LZIC: variants seen among roughly 807,000 people sequenced by gnomAD.
LZIC encodes the protein protein LZIC.
LZIC carries 28 observed loss-of-function variants against 25.4 expected under a neutral mutation model. The observed-to-expected ratio is 1.10, with a 90% CI of 0.82 to 1.51. The LOEUF (loss-of-function observed/expected upper bound fraction) is 1.51. LZIC is among the 40% of genes most tolerant of loss of function. LZIC has a pLI of 0.00. For missense variants in LZIC, 170 were observed against 211.1 expected (o/e 0.81, Z 1.21); for synonymous variants, 65 against 70.7 (o/e 0.92, Z 0.40).
Position 9,929,533 on chromosome 1 carries a change from G to T in LZIC, c.*866C>A. ...CTGACAGTTACCCCCCTCTGAGTGT[G>T]ACAAGAGGTCACGCACAGGGAGGGC... On this transcript the variant is annotated 3_prime_UTR_variant, in exon 8 of 8. Coordinates refer to ENST00000377223, the MANE Select transcript of LZIC (RefSeq NM_032368.5). The T allele has an allele frequency of 4.1e-6, 4 of 985,396 alleles. No homozygotes were observed. Among genetic ancestry groups the T allele is most frequent in the Non-Finnish European group, 4.8e-6 (4 of 829,924 alleles). The allele number at this position is 985,396 out of a possible 1,614,324, so 61.0% of individuals were successfully genotyped here. A position where few individuals can be genotyped will look rare whatever the true frequency, so the allele number is the denominator to read the frequency against.
At chr1:9,932,092 T>A (rs1032632293) in intron 6 of LZIC, 120 bp from the exon 7 acceptor site, 4 of 128,138 alleles carry the variant, frequency 3.1e-5, no homozygotes, top group Non-Finnish European at 5.4e-5. Context: ...CCCTGCACTT[T>A]GGGAGGCGTG....
At chr1:9,940,827 A>T (rs2101613333) in intron 2 of LZIC, among the ~76,000 whole-genome samples, 1 of 152,358 alleles carries the variant, frequency 6.6e-6, no homozygotes, top group East Asian at 1.9e-4. Context: ...AGTGTAATTT[A>T]TTGTAGCTAC....
chr1:9,934,974 AGCAATTACACAACTAAATG>A, intron 4 of LZIC, 114 bp from the exon 5 acceptor site: 2 of 796,232 alleles, frequency 2.5e-6, no homozygotes, highest in South Asian at 2.9e-5. Flanking sequence ...CTGTCATGGA[AGCAATTACACAACTAAATG>A]AAGATCTGGA....
chr1:9,938,864 C>T (rs1026931665), intron 2 of LZIC, among the ~76,000 whole-genome samples: 21 of 152,166 alleles, frequency 1.4e-4, no homozygotes, highest in Non-Finnish European at 2.9e-4. Context: ...TTTCTAGCTG[C>T]AGACAAAAGC....
At chr1:9,923,469 C>T (rs2101569820), downstream of LZIC, among the ~76,000 whole-genome samples, 1 of 151,124 alleles carries the variant, frequency 6.6e-6, no homozygotes, top group Admixed American at 6.6e-5. Context: ...GTCAGCCTCC[C>T]AAAGTGCTGG....
At chr1:9,937,445 T>A (rs1430811030) in intron 2 of LZIC, among the ~76,000 whole-genome samples, 1 of 150,454 alleles carries the variant, frequency 6.6e-6, no homozygotes, top group Non-Finnish European at 1.5e-5. Context: ...TTTGGGAGGC[T>A]GAGGCAGCAG....
Position 9,927,545 on chromosome 1 carries a change from C to T in LZIC, c.*2854G>A, listed in dbSNP as rs1640028252. ...TCAAATCCTGAGTTCAGGCGATCCG[C>T]CCACCTCTGCCTCCCAGAGTTCTGA... On this transcript the variant is annotated 3_prime_UTR_variant, in exon 8 of 8. Transcript: ENST00000377223. Among the ~76,000 whole-genome samples, 1 of 151,818 alleles carries T rather than the reference C, an allele frequency of 6.6e-6. No homozygotes were observed. The highest frequency in any genetic ancestry group is 2.4e-5 in the African/African-American group (1 of 41,314).
downstream of LZIC, among the ~76,000 whole-genome samples, chr1:9,924,287 A>G (rs1047802079): frequency 6.6e-6 from 1 of 152,256 alleles, no homozygotes; most frequent in African/African-American, 2.4e-5. Context: ...TATTAACAAT[A>G]AAACACTTAA....
chr1:9,932,810 C>A lies in LZIC; in HGVS notation c.425G>T (p.Gly142Val). 6.3e-7 allele frequency: 1 copy of A among 1,594,326 alleles called. No homozygotes were observed. The highest frequency in any genetic ancestry group is 8.6e-7 in the Non-Finnish European group (1 of 1,162,776). ...VEILTALRKL[G>V]EKLTADDEAF... ...TATATTAAATACTGGTACCTTCTCTCCAAGTTTCCTAAGAGCTGTTAGTAT... is the reference window on the plus strand; with the variant it reads ...TATATTAAATACTGGTACCTTCTCTACAAGTTTCCTAAGAGCTGTTAGTAT... Residue 142 changes from glycine to valine, a missense_variant, in exon 6 of 8, where the codon GGA (glycine) becomes GTA (valine). Gly to Val is a moderately radical substitution (Grantham distance 109). Coordinates refer to ENST00000377223, the MANE Select transcript of LZIC (RefSeq NM_032368.5).
intron 5 of LZIC, among the ~76,000 whole-genome samples, chr1:9,933,283 A>AAAAATAT (rs1557438404): frequency 1.7e-5 from 1 of 58,362 alleles, no homozygotes; most frequent in African/African-American, 5.7e-5. Flanking sequence ...AAAAAAAAAA[A>AAAAATAT]ATATATATAT....
chr1:9,930,217 C>T lies in LZIC; in HGVS notation c.*182G>A. 6.9e-7 allele frequency: 1 copy of T among 1,450,514 alleles called. No homozygotes were observed. The highest frequency in any genetic ancestry group is 9.1e-7 in the Non-Finnish European group (1 of 1,099,938). 89.9% of individuals were successfully genotyped at this position (1,450,514 alleles called of 1,614,324 possible). A position where few individuals can be genotyped will look rare whatever the true frequency, so the allele number is the denominator to read the frequency against. On this transcript the variant is annotated 3_prime_UTR_variant, in exon 8 of 8. Coordinates refer to ENST00000377223, the MANE Select transcript of LZIC (RefSeq NM_032368.5). ...TCAGGATCACTCAAGCAGGTAACCGCACACAACGCACAATGATGAAGAGCA... is the reference window on the plus strand; with the variant it reads ...TCAGGATCACTCAAGCAGGTAACCGTACACAACGCACAATGATGAAGAGCA...
rs1416662600 is a variant in LZIC, at chr1:9,926,568, T to C, written c.*3831A>G. ...TTTACCACCCACATAAAATATGTCT[T>C]ACTGCTCACAAGATCAAAAGAAAAC... is the stretch of plus-strand genomic sequence containing the variant. On this transcript the variant is annotated 3_prime_UTR_variant, in exon 8 of 8. Transcript: ENST00000377223. Among the ~76,000 whole-genome samples, 1 of 152,250 alleles carries C rather than the reference T, an allele frequency of 6.6e-6. No individual in the cohort carries two copies. The highest frequency in any genetic ancestry group is 1.9e-4 in the East Asian group (1 of 5,204).
downstream of LZIC, among the ~76,000 whole-genome samples, chr1:9,924,366 T>G (rs1218031311): frequency 6.6e-6 from 1 of 151,828 alleles, no homozygotes; most frequent in Non-Finnish European, 1.5e-5. Flanking sequence ...TATTTATTTA[T>G]TTTTTTGAGA....
Position 9,930,058 on chromosome 1 carries a change from C to T in LZIC, c.*341G>A. 9.6e-7 allele frequency: 1 copy of T among 1,043,288 alleles called. No individual in the cohort carries two copies. The highest frequency in any genetic ancestry group is 1.2e-6 in the Non-Finnish European group (1 of 864,694). The allele number at this position is 1,043,288 out of a possible 1,614,324, so 64.6% of individuals were successfully genotyped here. On this transcript the variant is annotated 3_prime_UTR_variant, in exon 8 of 8. Transcript: ENST00000377223. ...AGTTGTAAGCAGAAAAATATCATTACTTCACATCTTTTCGTTCACTATCAA... is the reference window on the plus strand; with the variant it reads ...AGTTGTAAGCAGAAAAATATCATTATTTCACATCTTTTCGTTCACTATCAA...
intron 2 of LZIC, among the ~76,000 whole-genome samples, chr1:9,936,848 C>T (rs796701967): frequency 6.5e-4 from 99 of 152,342 alleles, no homozygotes; most frequent in African/African-American, 2.3e-3. Context: ...TATGCAGCTG[C>T]GGCCAGGCGC....
chr1:9,939,156 C>A (rs1640584312), intron 2 of LZIC, among the ~76,000 whole-genome samples: 1 of 152,102 alleles, frequency 6.6e-6, no homozygotes, highest in Admixed American at 6.6e-5. Context: ...CGGCTCACTG[C>A]AACCTCCACC....
rs768484591 is a variant in LZIC, at chr1:9,936,674, G to A, written c.-8-47C>T. The A allele has an allele frequency of 4.7e-6, 6 of 1,268,286 alleles. No individual in the cohort carries two copies. In the Admixed American group the frequency reaches 1.1e-4, roughly 23 times the overall value. The allele number at this position is 1,268,286 out of a possible 1,614,324, so 78.6% of individuals were successfully genotyped here. ...CATACCATATGAAATTAACATACCA[G>A]TGCAATTTTTTTAAGTTTTATTTTT... On this transcript the variant is annotated intron_variant, in intron 2 of 7. Transcript: ENST00000377223.
intron 3 of LZIC, 106 bp from the exon 4 acceptor site, chr1:9,935,733 G>T: frequency 9.5e-7 from 1 of 1,051,948 alleles, no homozygotes; most frequent in Non-Finnish European, 1.4e-6. Flanking sequence ...ATATCAAAAT[G>T]CTGATGGTGA....
chr1:9,933,128 G>A (rs957979105), intron 5 of LZIC, among the ~76,000 whole-genome samples: 5 of 150,628 alleles, frequency 3.3e-5, no homozygotes, highest in African/African-American at 9.8e-5. Flanking sequence ...GGTGGCAGGC[G>A]CCTGTAGTCC....
Sources: gnomAD v4.1 joint callset for allele counts (sites outside exome capture counted in the v4.1 genomes callset) on GRCh38, gnomAD v4.1.1 for gene constraint, MANE v1.5 for transcripts, NCBI Gene and HGNC (gene_info 2026-07-23, HGNC 2026-07-21) for gene names.